HSDL1: variants seen among roughly 807,000 people sequenced by gnomAD.
The protein encoded by HSDL1 is hydroxysteroid dehydrogenase like 1, also known as inactive hydroxysteroid dehydrogenase-like protein 1.
HSDL1 carries 29 observed loss-of-function variants against 31.5 expected under a neutral mutation model. That is an observed-to-expected ratio of 0.92 (90% CI 0.69 to 1.26). The LOEUF is 1.26. HSDL1 is among the 50% of genes most tolerant of loss of function. The probability of loss-of-function intolerance (pLI) is 0.00; values close to 1 mark genes in which losing one functional copy is unlikely to be tolerated. For synonymous variants in HSDL1, 222 were observed against 155.2 expected (o/e 1.43, Z -3.20); for missense variants, 503 against 416.6 (o/e 1.21, Z -1.81).
chr16:84,139,862 C>T (rs571175382), intron 1 of HSDL1, among the ~76,000 whole-genome samples: 45 of 151,966 alleles, frequency 3.0e-4, no homozygotes, highest in Admixed American at 7.2e-4. Flanking sequence ...CAGTAAGGCT[C>T]CAGGGCGATG....
intron 2 of HSDL1, among the ~76,000 whole-genome samples, chr16:84,131,882 C>T (rs1876964): frequency 0.3 from 45,327 of 152,000 alleles, 7,048 homozygotes; most frequent in Non-Finnish European, 0.35. Flanking sequence ...GGTTTCACCG[C>T]GTTAGCCAGG....
chr16:84,134,223 G>C (rs1460426229), intron 2 of HSDL1, among the ~76,000 whole-genome samples: 2 of 152,094 alleles, frequency 1.3e-5, no homozygotes, highest in South Asian at 2.1e-4. Flanking sequence ...TGCTGATGAC[G>C]GGCACGGTAT....
chr16:84,132,384 A>AT (rs532369281), intron 2 of HSDL1, among the ~76,000 whole-genome samples: 129 of 152,166 alleles, frequency 8.5e-4, no homozygotes, highest in Middle Eastern at 3.4e-3. Context: ...TAAAAAAAAA[A>AT]TTTTTTTTAA....
At chr16:84,134,782 T>C (rs1597376996) in intron 2 of HSDL1, among the ~76,000 whole-genome samples, 1 of 152,154 alleles carries the variant, frequency 6.6e-6, no homozygotes. Context: ...CTGTATGTAA[T>C]TACCTGTATG....
intron 5 of HSDL1, among the ~76,000 whole-genome samples, chr16:84,129,273 G>A (rs557626546): frequency 8.2e-4 from 124 of 152,030 alleles, no homozygotes; most frequent in Non-Finnish European, 1.6e-3. Flanking sequence ...CCAGCTACTC[G>A]GGAAGCTGAG....
chr16:84,144,096 T>C lies in HSDL1; in HGVS notation c.-69+984A>G, dbSNP rs556358631. 3.6e-3 allele frequency among the ~76,000 whole-genome samples: 508 copies of C among 139,314 alleles called. 4 individuals carry two copies. Among genetic ancestry groups the C allele is most frequent in the Non-Finnish European group, 5.6e-3 (364 of 64,960 alleles). The allele number at this position is 139,314 out of a possible 152,430, so 91.4% of individuals were successfully genotyped here. A position where few individuals can be genotyped will look rare whatever the true frequency, so the allele number is the denominator to read the frequency against. On this transcript the variant is annotated intron_variant, in intron 1 of 5. Coordinates refer to ENST00000219439, the MANE Select transcript of HSDL1 (RefSeq NM_031463.5). ...TCCCTCTCTCTCTCTCTCTCTCTCCTGTGGCGGTCAGAGTAAAATTGAGAG... is the reference window on the plus strand; with the variant it reads ...TCCCTCTCTCTCTCTCTCTCTCTCCCGTGGCGGTCAGAGTAAAATTGAGAG...
Position 84,129,644 on chromosome 16 carries a change from C to T in HSDL1, c.798G>A (p.Ser266=), listed in dbSNP as rs567519432. The change falls in exon 5 of 6, where the codon TCG becomes TCA. Residue 266 remains serine (S), a synonymous_variant. Transcript: ENST00000219439. The stretch of plus-strand genomic sequence containing the variant: ...AGACTTTTGGCGAAGGCACCAACCA[C>T]GAGCACCTGTGCAGAAAGTTGCTGG... ...TAPSNFLHRC[S]WLVPSPKVYA... 1.2e-5 allele frequency: 20 copies of T among 1,614,204 alleles called. No homozygotes were observed. Among genetic ancestry groups the T allele is most frequent in the African/African-American group, 9.3e-5 (7 of 75,054 alleles).
intron 2 of HSDL1, among the ~76,000 whole-genome samples, 156 bp from the exon 3 acceptor site, chr16:84,131,483 G>GTCTGTCTGTCTATCTATCTATCTA (rs1232519658): frequency 6.9e-6 from 1 of 144,132 alleles, no homozygotes; most frequent in African/African-American, 2.6e-5. Flanking sequence ...CACAGTTTCA[G>GTCTGTCTGTCTATCTATCTATCTA]TCTATCTATC....
intron 1 of HSDL1, among the ~76,000 whole-genome samples, chr16:84,136,353 T>C (rs1344796783): frequency 6.6e-6 from 1 of 152,258 alleles, no homozygotes; most frequent in East Asian, 1.9e-4. Context: ...AACTGTTCTG[T>C]CTCTGACCAC....
intron 2 of HSDL1, among the ~76,000 whole-genome samples, chr16:84,133,140 A>G (rs1409889307): frequency 1.3e-5 from 2 of 152,032 alleles, no homozygotes; most frequent in Non-Finnish European, 2.9e-5. Context: ...GCAGAAGAAA[A>G]CAAATGAACC....
At position 84,122,747 on chromosome 16, in the gene HSDL1, A is replaced by C. The variant is rs1005869084; in HGVS notation, c.*1883T>G. 1 of 152,240 alleles carries C rather than the reference A, an allele frequency of 6.6e-6. No homozygotes were observed. Among genetic ancestry groups the C allele is most frequent in the African/African-American group, 2.4e-5 (1 of 41,466 alleles). The allele number at this position is 152,240 out of a possible 1,614,324, so 9.4% of individuals were successfully genotyped here. ...AAAAAATACATTTAATGAAAGCTAGAAAACCTAGAGAAGGTCTTGCTCTTC... is the reference window on the plus strand; with the variant it reads ...AAAAAATACATTTAATGAAAGCTAGCAAACCTAGAGAAGGTCTTGCTCTTC... On this transcript the variant is annotated 3_prime_UTR_variant, in exon 6 of 6. Transcript: ENST00000219439.
intron 5 of HSDL1, among the ~76,000 whole-genome samples, chr16:84,127,709 C>A (rs537751607): frequency 5.3e-4 from 78 of 148,214 alleles, no homozygotes; most frequent in Non-Finnish European, 1.0e-3. Flanking sequence ...CAGTGACTCA[C>A]ACTGGTATTT....
chr16:84,126,371 A>C (rs932123567), intron 5 of HSDL1, among the ~76,000 whole-genome samples: 2 of 152,122 alleles, frequency 1.3e-5, no homozygotes, highest in Non-Finnish European at 2.9e-5. Flanking sequence ...AGCAGCAGAC[A>C]TAGGGCAATG....
chr16:84,140,377 G>A (rs1342301166), intron 1 of HSDL1, among the ~76,000 whole-genome samples: 5 of 152,044 alleles, frequency 3.3e-5, no homozygotes, highest in Non-Finnish European at 7.3e-5. Context: ...CGTTTCTCCT[G>A]CCTCAGCCTC....
intron 1 of HSDL1, among the ~76,000 whole-genome samples, chr16:84,139,733 T>C (rs1349044809): frequency 6.6e-6 from 1 of 152,114 alleles, no homozygotes; most frequent in East Asian, 1.9e-4. Flanking sequence ...CAACCTCCCT[T>C]AAGCCAAAAC....
At chr16:84,131,420 G>C (rs1442348837) in intron 2 of HSDL1, 93 bp from the exon 3 acceptor site, 2 of 851,866 alleles carry the variant, frequency 2.3e-6, no homozygotes, top group South Asian at 2.9e-5. Context: ...GAGGGCATCA[G>C]ATCTTGTCAA....
At position 84,131,139 on chromosome 16, in the gene HSDL1, G is replaced by C. The variant is rs897544012; in HGVS notation, c.183C>G (p.Asp61Glu). 1 of 1,614,210 alleles carries C rather than the reference G, an allele frequency of 6.2e-7. No individual in the cohort carries two copies. The highest frequency in any genetic ancestry group is 2.2e-5 in the East Asian group (1 of 44,886). The change falls in exon 3 of 6, where the codon GAC (aspartate) becomes GAG (glutamate). Residue 61 changes from aspartate (D) to glutamate (E), a missense_variant. Asp to Glu is a conservative substitution (Grantham distance 45). Coordinates refer to ENST00000219439, the MANE Select transcript of HSDL1 (RefSeq NM_031463.5). The part of the protein sequence containing the change: ...HFIPRLGSRA[D>E]LIKQYGRWAV... ...CCCATCTTCCATACTGCTTGATCAA[G>C]TCTGCTCTGCTCCCCAGGCGGGGGA...
At chr16:84,133,503 G>A (rs957636985) in intron 2 of HSDL1, among the ~76,000 whole-genome samples, 17 of 152,214 alleles carry the variant, frequency 1.1e-4, no homozygotes, top group African/African-American at 3.4e-4. Context: ...CACTTTGGGA[G>A]GCCAAGGCAG....
chr16:84,141,094 C>CA (rs57277096), intron 1 of HSDL1, among the ~76,000 whole-genome samples: 120 of 126,620 alleles, frequency 9.5e-4, no homozygotes, highest in Middle Eastern at 7.5e-3. Context: ...CCGTCTCAAA[C>CA]AAAAAAAAAA....
Sources: allele counts gnomAD v4.1 joint callset (sites outside exome capture counted in the v4.1 genomes callset), GRCh38; gene constraint gnomAD v4.1.1; transcripts MANE v1.5; gene names NCBI Gene and HGNC (gene_info 2026-07-23, HGNC 2026-07-21).